ATP2C1: variants seen among roughly 807,000 people sequenced by gnomAD.
ATP2C1 encodes ATPase secretory pathway Ca2+ transporting 1, also known as calcium-transporting ATPase type 2C member 1.
ATP2C1 carries 31 observed loss-of-function variants against 120.5 expected under a neutral mutation model. The ratio of observed to expected loss-of-function variants is 0.26; its 90% CI spans 0.19 to 0.35. The LOEUF (loss-of-function observed/expected upper bound fraction) is 0.35, where lower values mean the gene tolerates loss of function less well. Among genes scored for constraint, ATP2C1 ranks in the 10% least tolerant of loss-of-function variants. The pLI is 1.00. For synonymous variants in ATP2C1, 351 were observed against 358.7 expected (o/e 0.98, Z 0.24); for missense variants, 731 against 1,107.5 (o/e 0.66, Z 4.83).
intron 5 of ATP2C1, among the ~76,000 whole-genome samples, chr3:130,936,473 A>G (rs2059674788): frequency 1.3e-5 from 2 of 152,176 alleles, no homozygotes; most frequent in South Asian, 4.1e-4. Flanking sequence ...GTTTTGGTGT[A>G]GTAGCTAAGA....
intron 11 of ATP2C1, among the ~76,000 whole-genome samples, chr3:130,958,129 A>G (rs1411757997): frequency 2.6e-5 from 4 of 152,168 alleles, no homozygotes; most frequent in African/African-American, 7.2e-5. Context: ...TTAGTAATAA[A>G]TATGTTTCAA....
chr3:130,976,493 C>T (rs1409422962), intron 18 of ATP2C1, among the ~76,000 whole-genome samples: 1 of 152,148 alleles, frequency 6.6e-6, no homozygotes, highest in African/African-American at 2.4e-5. Flanking sequence ...ACACTTCATC[C>T]CCTGTCTCCA....
chr3:130,980,224 A>G (rs2061695465), intron 19 of ATP2C1, among the ~76,000 whole-genome samples: 1 of 151,200 alleles, frequency 6.6e-6, no homozygotes, highest in Non-Finnish European at 1.5e-5. Flanking sequence ...ATTCTTAGGT[A>G]TGCTAGCTTA....
At chr3:130,991,051 T>C (rs1015007958) in intron 20 of ATP2C1, among the ~76,000 whole-genome samples, 8 of 152,154 alleles carry the variant, frequency 5.3e-5, no homozygotes, top group Non-Finnish European at 8.8e-5. Context: ...TCCAAAGCCA[T>C]GTGCCTGGGT....
chr3:130,962,673 A>G (rs986198018), intron 12 of ATP2C1, among the ~76,000 whole-genome samples: 10 of 148,832 alleles, frequency 6.7e-5, no homozygotes, highest in African/African-American at 2.5e-4. Flanking sequence ...CGTTGTATCT[A>G]GATTGTAAGT....
chr3:130,973,649 T>C (rs1213208132), intron 17 of ATP2C1, among the ~76,000 whole-genome samples: 4 of 152,158 alleles, frequency 2.6e-5, no homozygotes, highest in African/African-American at 9.7e-5. Context: ...AATTGGAAAC[T>C]TATGAATTAT....
intron 2 of ATP2C1, among the ~76,000 whole-genome samples, chr3:130,926,428 A>G (rs2059209910): frequency 6.6e-6 from 1 of 152,250 alleles, no homozygotes; most frequent in Non-Finnish European, 1.5e-5. Flanking sequence ...TGAACTGGAA[A>G]GCCTAGGTGA....
At chr3:130,927,416 A>G (rs371259748) in intron 2 of ATP2C1, among the ~76,000 whole-genome samples, 1 of 151,408 alleles carries the variant, frequency 6.6e-6, no homozygotes, top group Non-Finnish European at 1.5e-5. Flanking sequence ...AATTTTTTGT[A>G]TTTTTTAGTA....
chr3:130,935,945 A>G (rs564301195), intron 5 of ATP2C1, among the ~76,000 whole-genome samples: 2 of 152,204 alleles, frequency 1.3e-5, no homozygotes, highest in African/African-American at 2.4e-5. Flanking sequence ...CTAGCCTTGT[A>G]CTTGAAAGAC....
intron 1 of ATP2C1, among the ~76,000 whole-genome samples, chr3:130,880,812 A>G (rs974428065): frequency 3.4e-4 from 52 of 152,206 alleles, no homozygotes; most frequent in African/African-American, 1.2e-3. Flanking sequence ...ATCCTCATAA[A>G]GCCTTGGGGC....
chr3:131,016,235 G>C (rs1313556713), exon 27 of ATP2C1: 1 of 1,613,986 alleles, frequency 6.2e-7, no homozygotes, highest in Non-Finnish European at 8.5e-7. Context: ...CAGAAGATGT[G>C]AGCTGTGTCT....
At chr3:130,931,286 ATAGT>A (rs2059438886) in intron 3 of ATP2C1, among the ~76,000 whole-genome samples, 1 of 152,080 alleles carries the variant, frequency 6.6e-6, no homozygotes, top group Non-Finnish European at 1.5e-5. Flanking sequence ...TTATTCTTTA[ATAGT>A]TAGAATACTA....
chr3:130,876,009 G>T, intron 1 of ATP2C1, among the ~76,000 whole-genome samples: 1 of 151,260 alleles, frequency 6.6e-6, no homozygotes, highest in East Asian at 1.9e-4. Context: ...GTTTTTTTCA[G>T]TTCCTTGTAT....
At chr3:130,915,809 GTGGT>G (rs1217730149) in intron 2 of ATP2C1, among the ~76,000 whole-genome samples, 2 of 152,206 alleles carry the variant, frequency 1.3e-5, no homozygotes, top group Non-Finnish European at 2.9e-5. Flanking sequence ...AAGGGACTCA[GTGGT>G]AGACCTCTTC....
intron 20 of ATP2C1, among the ~76,000 whole-genome samples, chr3:130,991,764 A>G (rs2062362029): frequency 6.6e-6 from 1 of 152,152 alleles, no homozygotes. Flanking sequence ...GACCTGCAGT[A>G]GATGCATATT....
chr3:130,855,630 T>A (rs2067813523), intron 1 of ATP2C1, among the ~76,000 whole-genome samples: 1 of 152,176 alleles, frequency 6.6e-6, no homozygotes, highest in African/African-American at 2.4e-5. Flanking sequence ...TTGACTCTCA[T>A]TCTGTTATGT....
chr3:130,935,671 A>G (rs1004369969), intron 5 of ATP2C1, among the ~76,000 whole-genome samples: 2 of 152,232 alleles, frequency 1.3e-5, no homozygotes, highest in African/African-American at 4.8e-5. Flanking sequence ...CATTAATGGC[A>G]CAAAAACAAT....
intron 2 of ATP2C1, chr3:130,918,311 C>A (rs1035143473): frequency 1.5e-5 from 24 of 1,563,172 alleles, no homozygotes; most frequent in Non-Finnish European, 2.1e-5. Flanking sequence ...ATAGATTTCA[C>A]CTTCTTTTTC....
At chr3:130,897,297 A>G (rs2069715521) in intron 2 of ATP2C1, among the ~76,000 whole-genome samples, 1 of 152,188 alleles carries the variant, frequency 6.6e-6, no homozygotes, top group African/African-American at 2.4e-5. Context: ...AGAAAGAGAC[A>G]GGTTTGGATT....
Sources: gnomAD v4.1 joint callset for allele counts (sites outside exome capture counted in the v4.1 genomes callset) on GRCh38, gnomAD v4.1.1 for gene constraint, MANE v1.5 for transcripts, NCBI Gene and HGNC (gene_info 2026-07-23, HGNC 2026-07-21) for gene names.